Variants in CYSTM1 observed in about 807,000 individuals in gnomAD.
CYSTM1 encodes cysteine-rich transmembrane module-containing protein 1.
A neutral mutation model predicts 13.1 loss-of-function variants in CYSTM1; 4 were observed. The ratio of observed to expected loss-of-function variants is 0.31; its 90% CI spans 0.15 to 0.70. CYSTM1 has a LOEUF of 0.70. Among genes scored for constraint, CYSTM1 ranks in the 30% least tolerant of loss-of-function variants. The pLI, the probability that CYSTM1 is intolerant of heterozygous loss-of-function variation, is 0.72. For synonymous variants in CYSTM1, 36 were observed against 42.7 expected, an observed-to-expected ratio of 0.84 and a Z score of 0.62; for missense variants, 96 against 121.6, an observed-to-expected ratio of 0.79 and a Z score of 0.99.
chr5:140,175,521 C>T lies in CYSTM1; in HGVS notation c.-21+236C>T, dbSNP rs1029512040. On this transcript the variant is annotated intron_variant, in intron 1 of 2. Coordinates refer to ENST00000261811, the MANE Select transcript of CYSTM1 (RefSeq NM_032412.4). This position sits in a 1 kb window ranked among gnomAD's most constrained non-coding sequence, Gnocchi z 4.9. Reference sequence around the variant, plus strand: ...CGGCTACTCTGGGGCTCCTGGTCGCCGCGCCGCGCGTCTCGGCGGTGGACT... The same window carrying T: ...CGGCTACTCTGGGGCTCCTGGTCGCTGCGCCGCGCGTCTCGGCGGTGGACT... 3.4e-4 allele frequency among the ~76,000 whole-genome samples: 52 copies of T among 152,218 alleles called. 1 individual carries two copies. Among genetic ancestry groups the T allele is most frequent in the Admixed American group, 6.5e-5 (1 of 15,290 alleles).
intron 1 of CYSTM1, among the ~76,000 whole-genome samples, chr5:140,178,538 C>G (rs1763920634): frequency 6.8e-6 from 1 of 147,248 alleles, no homozygotes; most frequent in South Asian, 2.2e-4. Context: ...CCCACCTCAA[C>G]CCTGTGAGTA....
intron 1 of CYSTM1, among the ~76,000 whole-genome samples, chr5:140,182,206 A>T (rs867997326): frequency 1.3e-5 from 2 of 152,250 alleles, no homozygotes; most frequent in Non-Finnish European, 2.9e-5. Context: ...AGTTCCACAT[A>T]TCCCACCTGG....
chr5:140,208,485 G>T (rs1764324194), intron 2 of CYSTM1, among the ~76,000 whole-genome samples: 1 of 151,990 alleles, frequency 6.6e-6, no homozygotes, highest in African/African-American at 2.4e-5. Context: ...CAAAAGAATA[G>T]TTAGAAAGAA....
intron 2 of CYSTM1, among the ~76,000 whole-genome samples, chr5:140,204,811 A>C (rs1258799833): frequency 6.6e-6 from 1 of 152,054 alleles, no homozygotes; most frequent in Non-Finnish European, 1.5e-5. Flanking sequence ...ATGCTCAGTA[A>C]ATACGTGTTA....
intron 2 of CYSTM1, among the ~76,000 whole-genome samples, chr5:140,235,488 C>G (rs1477460254): frequency 6.6e-6 from 1 of 151,002 alleles, no homozygotes; most frequent in Non-Finnish European, 1.5e-5. Flanking sequence ...TCACTGCAAG[C>G]TCTGCCTCCT....
chr5:140,204,241 T>G (rs1764262580), intron 2 of CYSTM1, among the ~76,000 whole-genome samples: 1 of 152,036 alleles, frequency 6.6e-6, no homozygotes, highest in South Asian at 2.1e-4. Flanking sequence ...GGTGTGGTAG[T>G]GCGTGCCTGT....
intron 2 of CYSTM1, among the ~76,000 whole-genome samples, chr5:140,235,825 C>T (rs1764674636): frequency 6.6e-6 from 1 of 152,198 alleles, no homozygotes; most frequent in Non-Finnish European, 1.5e-5. Flanking sequence ...GTCCTTTGGT[C>T]TATCTGAGGC....
At chr5:140,240,177 C>CA (rs1234005331) in intron 2 of CYSTM1, among the ~76,000 whole-genome samples, 1 of 152,048 alleles carries the variant, frequency 6.6e-6, no homozygotes, top group South Asian at 2.1e-4. Context: ...CCAGCACCCC[C>CA]CCACTGCTCT....
chr5:140,232,363 G>A (rs111967336), intron 2 of CYSTM1, among the ~76,000 whole-genome samples: 3 of 152,130 alleles, frequency 2.0e-5, no homozygotes, highest in Admixed American at 6.5e-5. Flanking sequence ...AACTGTGGCC[G>A]TGAGTAAGAT....
intron 2 of CYSTM1, among the ~76,000 whole-genome samples, chr5:140,225,103 G>A (rs531653114): frequency 5.9e-5 from 9 of 152,310 alleles, no homozygotes; most frequent in Admixed American, 3.9e-4. Context: ...GATTGCTTGA[G>A]CCCAGAAGTT....
intron 2 of CYSTM1, among the ~76,000 whole-genome samples, chr5:140,242,043 T>A (rs1764755757): frequency 6.6e-6 from 1 of 152,214 alleles, no homozygotes; most frequent in East Asian, 1.9e-4. Flanking sequence ...AGTATCTACC[T>A]CAGGGTTGCT....
intron 2 of CYSTM1, among the ~76,000 whole-genome samples, chr5:140,233,941 C>T (rs1393288447): frequency 6.6e-6 from 1 of 152,176 alleles, no homozygotes; most frequent in Non-Finnish European, 1.5e-5. Context: ...TTAACCGTGT[C>T]TTCCATGGAG....
In CYSTM1 at chr5:140,219,794, G is replaced by C. The variant is rs1215810234; in HGVS notation, c.188-23511G>C. Among the ~76,000 whole-genome samples, 1 of 152,148 alleles carries C rather than the reference G, an allele frequency of 6.6e-6. No homozygotes were observed. The highest frequency in any genetic ancestry group is 1.9e-4 in the East Asian group (1 of 5,186). On this transcript the variant is annotated intron_variant, in intron 2 of 2. Coordinates refer to ENST00000261811, the MANE Select transcript of CYSTM1 (RefSeq NM_032412.4). This position sits in a 1 kb window ranked among gnomAD's most constrained non-coding sequence, Gnocchi z 4.1. The stretch of plus-strand genomic sequence containing the variant: ...AATGCAGCAAGTACTATTTGAATGA[G>C]ACTCCTGGGCCAGCACTCAATGTGA...
intron 2 of CYSTM1, among the ~76,000 whole-genome samples, chr5:140,240,583 C>T (rs544295548): frequency 6.4e-4 from 97 of 151,406 alleles, no homozygotes; most frequent in African/African-American, 2.2e-3. Flanking sequence ...TGGGGAGTGA[C>T]GGGGATGGTA....
At position 140,230,033 on chromosome 5, in the gene CYSTM1, G is replaced by C. The variant is rs1487444165; in HGVS notation, c.188-13272G>C. On this transcript the variant is annotated intron_variant, in intron 2 of 2. Coordinates refer to ENST00000261811, the MANE Select transcript of CYSTM1 (RefSeq NM_032412.4). The surrounding 1 kb of genome is among the most constrained non-coding windows in gnomAD (Gnocchi z 4.1). ...CTACAGGCATGCACCACCATGCCCA[G>C]CTAATTTTTGTATTTTTAGTAGAGA... 1.3e-5 allele frequency among the ~76,000 whole-genome samples: 2 copies of C among 152,148 alleles called. No homozygotes were observed. The highest frequency in any genetic ancestry group is 2.9e-5 in the Non-Finnish European group (2 of 68,024).
chr5:140,189,122 T>C (rs182677455), intron 1 of CYSTM1, among the ~76,000 whole-genome samples: 2 of 152,322 alleles, frequency 1.3e-5, no homozygotes, highest in Admixed American at 1.3e-4. Flanking sequence ...CACAGAATGA[T>C]ATAGTTTGGA....
At chr5:140,234,867 C>A (rs918085601) in intron 2 of CYSTM1, among the ~76,000 whole-genome samples, 1 of 152,164 alleles carries the variant, frequency 6.6e-6, no homozygotes, top group South Asian at 2.1e-4. Context: ...GTCTTTACAC[C>A]GTCATCACAG....
intron 2 of CYSTM1, among the ~76,000 whole-genome samples, chr5:140,237,161 A>G (rs558928577): frequency 2.6e-5 from 4 of 152,270 alleles, no homozygotes; most frequent in East Asian, 1.9e-4. Context: ...AGTTCACTCC[A>G]TATCTCAATT....
In CYSTM1 at chr5:140,196,874, G is replaced by T. The variant is rs184065885; in HGVS notation, c.187+2222G>T. Among the ~76,000 whole-genome samples, 68 of 152,348 alleles carry T rather than the reference G, an allele frequency of 4.5e-4. 1 individual carries two copies. Among genetic ancestry groups the T allele is most frequent in the Admixed American group, 7.8e-4 (12 of 15,302 alleles). On this transcript the variant is annotated intron_variant, in intron 2 of 2. Coordinates refer to ENST00000261811, the MANE Select transcript of CYSTM1 (RefSeq NM_032412.4). The stretch of plus-strand genomic sequence containing the variant: ...GGCTGTGGAGTTGGGAAACTAGGGT[G>T]GGACTGGTTATTCATTGGGTTAGGA...
Sources: gnomAD v4.1 joint callset for allele counts (sites outside exome capture counted in the v4.1 genomes callset) on GRCh38, gnomAD v4.1.1 for gene constraint, Gnocchi (gnomAD v3.1) non-coding constraint, MANE v1.5 for transcripts, NCBI Gene and HGNC (gene_info 2026-07-23, HGNC 2026-07-21) for gene names.